The following PPEF1 variants were observed in gnomAD, a reference collection of about 807,000 sequenced individuals.
PPEF1 encodes protein phosphatase with EF-hand domain 1, also known as serine/threonine-protein phosphatase with EF-hands 1.
PPEF1 carries 12 observed loss-of-function variants against 53.3 expected under a neutral mutation model. The observed-to-expected ratio is 0.23, with a 90% CI of 0.14 to 0.36. The LOEUF is 0.36. Among genes scored for constraint, PPEF1 ranks in the 10% least tolerant of loss-of-function variants. PPEF1 has a pLI of 1.00. For missense variants in PPEF1, 334 were observed against 490.4 expected, an observed-to-expected ratio of 0.68 and a Z score of 3.01; for synonymous variants, 165 against 176.7, an observed-to-expected ratio of 0.93 and a Z score of 0.52.
At chrX:18,680,735 T>C (rs980149175), upstream of PPEF1, among the ~76,000 whole-genome samples, 2 of 109,376 alleles carry the variant, frequency 1.8e-5, no homozygotes, top group Admixed American at 1.9e-4. Flanking sequence ...TCGTTTAGCA[T>C]TGGGTATATC....
chrX:18,773,997 T>C (rs2045919051), intron 6 of PPEF1, among the ~76,000 whole-genome samples: 1 of 112,558 alleles, frequency 8.9e-6, no homozygotes, highest in East Asian at 2.7e-4. Context: ...TATTGTCATA[T>C]TGATTTATAT....
intron 7 of PPEF1, among the ~76,000 whole-genome samples, chrX:18,781,007 G>C (rs1185063820): frequency 9.9e-6 from 1 of 101,164 alleles, no homozygotes; most frequent in Non-Finnish European, 2.0e-5. Context: ...AGTGAGCTGA[G>C]ATAGCGCCAC....
intron 10 of PPEF1, among the ~76,000 whole-genome samples, chrX:18,800,805 G>A (rs2046532107): frequency 9.0e-6 from 1 of 111,661 alleles, no homozygotes; most frequent in South Asian, 3.7e-4. Flanking sequence ...TATCCTGGAT[G>A]TAGGAGGTGG....
chrX:18,821,728 AG>A (rs1328467071), intron 13 of PPEF1, among the ~76,000 whole-genome samples: 2 of 107,310 alleles, frequency 1.9e-5, no homozygotes, highest in African/African-American at 6.8e-5. Flanking sequence ...TGGTTCTTTG[AG>A]GGAACTGTTG....
At chrX:18,825,889 G>T in intron 15 of PPEF1, 54 bp downstream of exon 15, 2 of 880,453 alleles carry the variant, frequency 2.3e-6, no homozygotes, top group Non-Finnish European at 3.2e-6. Context: ...GTGTGTGTAT[G>T]TTGGGGATAC....
chrX:18,753,242 G>T (rs1402635007), intron 4 of PPEF1, among the ~76,000 whole-genome samples: 1 of 110,957 alleles, frequency 9.0e-6, no homozygotes, highest in Non-Finnish European at 1.9e-5. Flanking sequence ...GAGTTTCTAA[G>T]AATTTGTTCA....
intron 5 of PPEF1, among the ~76,000 whole-genome samples, chrX:18,760,519 A>G (rs2045640360): frequency 9.0e-6 from 1 of 111,594 alleles, no homozygotes; most frequent in Non-Finnish European, 1.9e-5. Flanking sequence ...TGGGGATTCA[A>G]TGCTGACTAC....
chrX:18,744,634 A>G (rs771140838), intron 3 of PPEF1, among the ~76,000 whole-genome samples: 2 of 111,716 alleles, frequency 1.8e-5, no homozygotes, highest in East Asian at 2.8e-4. Context: ...AAAATGTCCT[A>G]TCGGACCAGG....
At chrX:18,699,278 C>T (rs1475236584) in intron 5 of PPEF1, among the ~76,000 whole-genome samples, 1 of 111,354 alleles carries the variant, frequency 9.0e-6, no homozygotes, top group Non-Finnish European at 1.9e-5. Context: ...TTTCAAGTAA[C>T]TCCATCCGAT....
intron 12 of PPEF1, among the ~76,000 whole-genome samples, chrX:18,816,523 T>C (rs191295919): frequency 1.3e-4 from 15 of 111,429 alleles, no homozygotes; most frequent in African/African-American, 4.9e-4. Flanking sequence ...TTGGGTGGAG[T>C]GTTTTATACA....
chrX:18,734,003 C>A (rs899874027), intron 3 of PPEF1, among the ~76,000 whole-genome samples, 195 bp downstream of exon 3: 4 of 111,412 alleles, frequency 3.6e-5, no homozygotes, highest in Admixed American at 2.9e-4. Context: ...TCAACTAAAT[C>A]AATCATTTAA....
At chrX:18,782,492 C>G (rs1476437751) in intron 8 of PPEF1, 90 bp downstream of exon 8, 17 of 756,845 alleles carry the variant, frequency 2.2e-5, no homozygotes, top group Non-Finnish European at 3.2e-5. Flanking sequence ...CAGATTGATG[C>G]TTTAGGAAAG....
chrX:18,753,412 G>T (rs769996053), intron 4 of PPEF1, among the ~76,000 whole-genome samples: 1 of 111,407 alleles, frequency 9.0e-6, no homozygotes, highest in South Asian at 3.7e-4. Context: ...TTGCTTAAAG[G>T]TTTGTTAATT....
chrX:18,801,501 CAT>C (rs750093909), intron 10 of PPEF1, among the ~76,000 whole-genome samples: 9 of 111,770 alleles, frequency 8.1e-5, no homozygotes, highest in African/African-American at 1.6e-4. Context: ...TCAAAAGAAA[CAT>C]GTGGAAAATA....
chrX:18,702,056 C>T (rs1930160255), intron 6 of PPEF1, among the ~76,000 whole-genome samples: 1 of 112,050 alleles, frequency 8.9e-6, no homozygotes, highest in Non-Finnish European at 1.9e-5. Context: ...TAAGTAATTG[C>T]TCCACTGTTC....
intron 2 of PPEF1, 39 bp from the exon 3 acceptor site, chrX:18,733,709 G>T: frequency 1.9e-6 from 2 of 1,078,059 alleles, no homozygotes; most frequent in Non-Finnish European, 1.3e-6. Flanking sequence ...TAGCTGTTTG[G>T]GGTTCACTAA....
At chrX:18,775,153 T>C (rs1012852187) in intron 6 of PPEF1, among the ~76,000 whole-genome samples, 4 of 108,990 alleles carry the variant, frequency 3.7e-5, no homozygotes, top group African/African-American at 1.3e-4. Flanking sequence ...GCTTGCTCTT[T>C]CAGGCCAATA....
chrX:18,762,903 T>A (rs1602424981), intron 6 of PPEF1, among the ~76,000 whole-genome samples: 1 of 111,806 alleles, frequency 8.9e-6, no homozygotes. Context: ...AACTGAGGGT[T>A]GGGCTGCTAT....
intron 10 of PPEF1, among the ~76,000 whole-genome samples, chrX:18,794,676 G>A (rs943589739): frequency 1.8e-5 from 2 of 112,832 alleles, no homozygotes; most frequent in South Asian, 3.7e-4. Context: ...ATGAGCGGGA[G>A]AAGTGACCCC....
Sources: gnomAD v4.1 joint callset for allele counts (sites outside exome capture counted in the v4.1 genomes callset) on GRCh38, gnomAD v4.1.1 for gene constraint, MANE v1.5 for transcripts, NCBI Gene and HGNC (gene_info 2026-07-23, HGNC 2026-07-21) for gene names.